CCR5AS: variants seen among roughly 807,000 people sequenced by gnomAD.
CCR5AS encodes the protein CCR5 antisense RNA.
exon 2 of CCR5AS, chr3:46,392,864 AG>A: frequency 4.5e-6 from 1 of 220,706 alleles, no homozygotes; most frequent in South Asian, 6.1e-5. Context: ...GGCTGGTCTG[AG>A]GACCTGAGGT....
rs568891788 is a variant in CCR5AS at position 46,389,081 on chromosome 3, G to T, written n.391+3744C>A. ...AGATAGTGGAGATGACAAATTTTGG[G>T]GGCACAGTCCAAATAGTGGGGGTGA... On this transcript the variant is annotated intron_variant and non_coding_transcript_variant, in intron 2 of 3. Transcript: ENST00000451485. 7.2e-5 allele frequency among the ~76,000 whole-genome samples: 11 copies of T among 152,036 alleles called. No individual in the cohort carries two copies. The East Asian group carries it at 2.1e-3, about 30-fold the overall frequency.
intron 2 of CCR5AS, chr3:46,372,874 CTT>C (rs778990023): frequency 1.3e-6 from 2 of 1,506,418 alleles, no homozygotes; most frequent in Non-Finnish European, 1.8e-6. Context: ...TAAAAGATCA[CTT>C]TTTATTTATG....
At chr3:46,381,782 C>G (rs1559571538) in intron 2 of CCR5AS, among the ~76,000 whole-genome samples, 1 of 152,156 alleles carries the variant, frequency 6.6e-6, no homozygotes, top group African/African-American at 2.4e-5. Context: ...TGCCAAAAAG[C>G]AGAGCCCAGC....
rs146972949 is a variant in CCR5AS, at chr3:46,373,575, C to T, written n.392-2158G>A. On this transcript the variant is annotated intron_variant and non_coding_transcript_variant, in intron 2 of 3. Coordinates refer to ENST00000451485, the Ensembl canonical transcript of CCR5AS. Reference sequence around the variant, plus strand: ...AATCCTAAAAACTCTGCTTCGGTGTCGAAATGAGAAGAAGAGGCACAGGGC... The same window carrying T: ...AATCCTAAAAACTCTGCTTCGGTGTTGAAATGAGAAGAAGAGGCACAGGGC... The T allele has an allele frequency of 1.7e-4, 271 of 1,613,436 alleles. 1 individual carries two copies. The highest frequency in any genetic ancestry group is 1.3e-3 in the African/African-American group (100 of 74,950).
At chr3:46,374,501 A>G (rs1309552359) in intron 2 of CCR5AS, 1 of 167,134 alleles carries the variant, frequency 6.0e-6, no homozygotes, top group East Asian at 1.9e-4. Flanking sequence ...AATAAGTTTC[A>G]CTGACTTAGA....
At chr3:46,406,071 T>C (rs1702043811) in intron 1 of CCR5AS, among the ~76,000 whole-genome samples, 1 of 152,038 alleles carries the variant, frequency 6.6e-6, no homozygotes, top group Admixed American at 6.5e-5. Flanking sequence ...ATCCGGGATC[T>C]CACTATGTTG....
At chr3:46,381,168 T>C (rs1387924917) in intron 2 of CCR5AS, among the ~76,000 whole-genome samples, 1 of 152,248 alleles carries the variant, frequency 6.6e-6, no homozygotes, top group Non-Finnish European at 1.5e-5. Context: ...CATGCTGAGC[T>C]TGGCAACTTC....
At chr3:46,372,703 A>G in intron 2 of CCR5AS, 1 of 476,140 alleles carries the variant, frequency 2.1e-6, no homozygotes, top group Non-Finnish European at 3.7e-6. Context: ...TCTAGTGGAC[A>G]GGGAAGCTAG....
At chr3:46,394,229 C>T (rs979840051) in intron 1 of CCR5AS, among the ~76,000 whole-genome samples, 2 of 152,122 alleles carry the variant, frequency 1.3e-5, no homozygotes, top group Admixed American at 1.3e-4. Context: ...AGGACAATCC[C>T]CAGCAACAAA....
At chr3:46,405,046 C>A (rs1702033314) in intron 1 of CCR5AS, among the ~76,000 whole-genome samples, 1 of 152,172 alleles carries the variant, frequency 6.6e-6, no homozygotes, top group African/African-American at 2.4e-5. Flanking sequence ...GTTTCACAAA[C>A]AAGGAGGCCC....
chr3:46,370,263 C>T (rs890658677), intron 3 of CCR5AS, among the ~76,000 whole-genome samples: 1 of 152,126 alleles, frequency 6.6e-6, no homozygotes, highest in East Asian at 1.9e-4. Flanking sequence ...TGAAAATCCC[C>T]ACTAAGATCC....
At chr3:46,395,592 T>C (rs567824740) in intron 1 of CCR5AS, among the ~76,000 whole-genome samples, 1 of 152,034 alleles carries the variant, frequency 6.6e-6, no homozygotes, top group African/African-American at 2.4e-5. Context: ...TGTGATGCAA[T>C]CGGAATGCAG....
chr3:46,397,869 C>T (rs146419943), intron 1 of CCR5AS, among the ~76,000 whole-genome samples: 28 of 152,312 alleles, frequency 1.8e-4, no homozygotes, highest in African/African-American at 5.5e-4. Context: ...GTCATTGAAA[C>T]GCTACTCAAT....
intron 2 of CCR5AS, chr3:46,373,458 C>T (rs113869679): frequency 1.2e-5 from 16 of 1,316,562 alleles, no homozygotes; most frequent in Non-Finnish European, 1.5e-5. Context: ...TCCATACAGT[C>T]AGTATCAATT....
At chr3:46,398,791 C>G (rs1347335898) in intron 1 of CCR5AS, among the ~76,000 whole-genome samples, 1 of 152,004 alleles carries the variant, frequency 6.6e-6, no homozygotes, top group African/African-American at 2.4e-5. Context: ...TGCATATTCA[C>G]CCCCCAAGGC....
At chr3:46,375,537 T>C (rs1370190274) in intron 2 of CCR5AS, 1 of 166,906 alleles carries the variant, frequency 6.0e-6, no homozygotes, top group African/African-American at 2.4e-5. Context: ...GTAGGTATCA[T>C]TTTCTGCATT....
intron 1 of CCR5AS, among the ~76,000 whole-genome samples, chr3:46,404,313 CTCTCTCTCTCTCTCTTT>C (rs1393883362): frequency 5.6e-4 from 51 of 91,260 alleles, no homozygotes; most frequent in African/African-American, 1.9e-3. Context: ...CTCTCTCTCT[CTCTCTCTCTCTCTCTTT>C]TTTTTTTTTT....
At chr3:46,372,919 C>G in intron 2 of CCR5AS, 1 of 1,590,712 alleles carries the variant, frequency 6.3e-7, no homozygotes, top group Non-Finnish European at 8.6e-7. Context: ...TATCAAGTGT[C>G]AAGTCCAATC....
intron 2 of CCR5AS, among the ~76,000 whole-genome samples, chr3:46,377,504 C>T (rs1701773774): frequency 6.6e-6 from 1 of 152,158 alleles, no homozygotes; most frequent in Non-Finnish European, 1.5e-5. Context: ...GTTTAAATCG[C>T]TCTGAATAAA....
Sources: gnomAD v4.1 joint callset for allele counts (sites outside exome capture counted in the v4.1 genomes callset) on GRCh38, gnomAD v4.1.1 for gene constraint, MANE v1.5 for transcripts, NCBI Gene and HGNC (gene_info 2026-07-23, HGNC 2026-07-21) for gene names.